Variants in AGO1 observed in about 807,000 individuals in gnomAD.
AGO1 encodes the protein protein argonaute-1.
In AGO1, 11 loss-of-function variants were observed where a neutral mutation model predicts 109.2. The observed-to-expected ratio is 0.10, with a 90% CI of 0.06 to 0.17. The LOEUF is 0.17. AGO1 is among the 10% of genes least tolerant of loss of function. The pLI, the probability that AGO1 is intolerant of heterozygous loss-of-function variation, is 1.00. For missense variants in AGO1, 574 were observed against 1,140.3 expected (o/e 0.50, Z 7.15); for synonymous variants, 422 against 418.6 (o/e 1.01, Z -0.10).
chr1:35,911,203 A>G (rs943936580), intron 12 of AGO1, among the ~76,000 whole-genome samples: 6 of 152,218 alleles, frequency 3.9e-5, no homozygotes, highest in Non-Finnish European at 8.8e-5. Context: ...CCAGCAGTGT[A>G]TAAGAGTGCT....
chr1:35,918,574 G>A (rs1260638866), intron 17 of AGO1, 151 bp downstream of exon 17: 5 of 745,634 alleles, frequency 6.7e-6, no homozygotes, highest in Non-Finnish European at 9.1e-6. Context: ...TTGAGGCGGA[G>A]TCTCACTCTG....
At chr1:35,887,020 A>C (rs1200374697) in intron 1 of AGO1, among the ~76,000 whole-genome samples, 1 of 152,170 alleles carries the variant, frequency 6.6e-6, no homozygotes, top group African/African-American at 2.4e-5. Flanking sequence ...ATTTCTGTCC[A>C]GCACTTTCTG....
rs561563704 is a variant in AGO1, at chr1:35,898,357, C to T, written c.1020+3088C>T. On this transcript the variant is annotated intron_variant, in intron 8 of 18. Coordinates refer to ENST00000373204, the MANE Select transcript of AGO1 (RefSeq NM_012199.5). ...CTGCAAGCTCCGCCTCCTGGGTTCA[C>T]GCCATTCTCCTGCCTCAGCCTCCGG... Among the ~76,000 whole-genome samples, 132 of 151,854 alleles carry T rather than the reference C, an allele frequency of 8.7e-4. 1 individual carries two copies. Among genetic ancestry groups the T allele is most frequent in the African/African-American group, 3.1e-3 (128 of 41,396 alleles).
In AGO1 at chr1:35,926,060, TGAA is replaced by T. The variant is rs140864; in HGVS notation, c.*6456_*6458del. 0.087 allele frequency: 13,284 copies of T among 152,128 alleles called. 2,005 individuals are homozygous for T. Among genetic ancestry groups the T allele is most frequent in the East Asian group, 0.68 (3,471 of 5,140 alleles). 9.4% of individuals were successfully genotyped at this position (152,128 alleles called of 1,614,324 possible). A position where few individuals can be genotyped will look rare whatever the true frequency, so the allele number is the denominator to read the frequency against. The stretch of plus-strand genomic sequence containing the variant: ...AAGGGTTAGGGAGGTTGGTTGAACT[TGAA>T]GAGCAGATTGGACATGGAGCAGATT... On this transcript the variant is annotated 3_prime_UTR_variant, in exon 19 of 19. Transcript: ENST00000373204.
intron 12 of AGO1, among the ~76,000 whole-genome samples, chr1:35,912,785 G>A (rs1645661279): frequency 6.6e-6 from 1 of 152,016 alleles, no homozygotes; most frequent in Admixed American, 6.5e-5. Context: ...TGTTGGCCAG[G>A]CTGTTCTTGA....
chr1:35,918,247 A>G, intron 16 of AGO1, 75 bp from the exon 17 acceptor site: 1 of 1,169,176 alleles, frequency 8.6e-7, no homozygotes, highest in Non-Finnish European at 1.3e-6. Flanking sequence ...TGGTGAAATC[A>G]GAGTAGAATT....
intron 11 of AGO1, among the ~76,000 whole-genome samples, chr1:35,905,724 G>A (rs930049568): frequency 3.3e-5 from 5 of 151,990 alleles, no homozygotes; most frequent in Non-Finnish European, 7.4e-5. Context: ...GCCCACCCTG[G>A]CCTCCCAAAG....
At chr1:35,905,347 A>T (rs374063721) in intron 11 of AGO1, among the ~76,000 whole-genome samples, 17 of 152,218 alleles carry the variant, frequency 1.1e-4, no homozygotes, top group East Asian at 3.9e-4. Context: ...ATTTTGAAAA[A>T]TTTTTTTAAG....
intron 1 of AGO1, among the ~76,000 whole-genome samples, chr1:35,876,731 G>C (rs1282579657): frequency 3.3e-5 from 5 of 152,196 alleles, no homozygotes; most frequent in Non-Finnish European, 7.3e-5. Context: ...CTCCAATTTT[G>C]AGGGAAGTTC....
intron 1 of AGO1, among the ~76,000 whole-genome samples, chr1:35,874,722 G>A (rs1048549694): frequency 2.6e-5 from 4 of 152,232 alleles, no homozygotes; most frequent in Non-Finnish European, 4.4e-5. Context: ...TAGGCCTGTT[G>A]CACTGCACAA....
At chr1:35,886,363 G>A (rs1376260225) in intron 1 of AGO1, among the ~76,000 whole-genome samples, 2 of 152,154 alleles carry the variant, frequency 1.3e-5, no homozygotes, top group Non-Finnish European at 2.9e-5. Flanking sequence ...TGGGAGAGAG[G>A]TTCCTGCTTC....
Position 35,915,529 on chromosome 1 carries a change from G to C in AGO1, c.2015G>C (p.Gly672Ala), listed in dbSNP as rs769908492. 6.2e-7 allele frequency: 1 copy of C among 1,614,028 alleles called. No individual in the cohort carries two copies. The highest frequency in any genetic ancestry group is 1.1e-5 in the South Asian group (1 of 91,072). ...TTCTACCGAGATGGGGTGCCTGAAG[G>C]CCAGCTACCCCAGGTAGGGCCCACA... ...IIFYRDGVPEGQLPQILHYEL... is the reference protein window; with the variant it reads ...IIFYRDGVPEAQLPQILHYEL... The change falls in exon 15 of 19, where the codon GGC (glycine) becomes GCC (alanine). Residue 672 changes from glycine (G) to alanine (A), a missense_variant. Transcript: ENST00000373204.
chr1:35,919,664 G>A lies in AGO1; in HGVS notation c.*57G>A, dbSNP rs745575440. On this transcript the variant is annotated 3_prime_UTR_variant, in exon 19 of 19. Transcript: ENST00000373204. The surrounding 1 kb of genome is among the most constrained non-coding windows in gnomAD (Gnocchi z 6.6). ...GAAAGCTTTCCAAGCCCCAGGAGCT[G>A]TGCCACCCAAATCCAGAGGAAGCAA... 443 of 1,526,904 alleles carry A rather than the reference G, an allele frequency of 2.9e-4. No individual in the cohort carries two copies. Among genetic ancestry groups the A allele is most frequent in the Middle Eastern group, 5.4e-4 (3 of 5,568 alleles). 94.6% of individuals were successfully genotyped at this position (1,526,904 alleles called of 1,614,324 possible). A position where few individuals can be genotyped will look rare whatever the true frequency, so the allele number is the denominator to read the frequency against.
chr1:35,914,089 C>A, intron 13 of AGO1, 88 bp downstream of exon 13: 1 of 1,596,050 alleles, frequency 6.3e-7, no homozygotes, highest in South Asian at 1.1e-5. Context: ...CAGACTGAAT[C>A]AGACATAAGG....
At chr1:35,905,934 C>CT (rs1341619276) in intron 11 of AGO1, among the ~76,000 whole-genome samples, 1 of 152,150 alleles carries the variant, frequency 6.6e-6, no homozygotes, top group Admixed American at 6.5e-5. Context: ...TCTCATAAAA[C>CT]TATCACATTG....
In AGO1 at chr1:35,890,491, A is replaced by G. The variant is rs7533923; in HGVS notation, c.209+1881A>G. Among the ~76,000 whole-genome samples, 5 of 152,310 alleles carry G rather than the reference A, an allele frequency of 3.3e-5. No individual in the cohort carries two copies. The South Asian group carries it at 1.0e-3, about 32-fold the overall frequency. ...ATTTTTGAAGATATTACATACCGGC[A>G]CATATGGATCTGCCTCATTCTTTTG... On this transcript the variant is annotated intron_variant, in intron 2 of 18. Coordinates refer to ENST00000373204, the MANE Select transcript of AGO1 (RefSeq NM_012199.5).
chr1:35,919,711 G>T lies in AGO1; in HGVS notation c.*104G>T. ...GCAAGGAGGAGGGAGGTGGGGTAGGGAGGAGTGTAGGATGCCTTGTTTCCT... is the reference window on the plus strand; with the variant it reads ...GCAAGGAGGAGGGAGGTGGGGTAGGTAGGAGTGTAGGATGCCTTGTTTCCT... On this transcript the variant is annotated 3_prime_UTR_variant, in exon 19 of 19. Coordinates refer to ENST00000373204, the MANE Select transcript of AGO1 (RefSeq NM_012199.5). The surrounding 1 kb of genome is among the most constrained non-coding windows in gnomAD (Gnocchi z 6.6). The T allele has an allele frequency of 9.2e-7, 1 of 1,086,896 alleles. No homozygotes were observed. The highest frequency in any genetic ancestry group is 1.3e-6 in the Non-Finnish European group (1 of 752,422). The allele number at this position is 1,086,896 out of a possible 1,614,324, so 67.3% of individuals were successfully genotyped here.
chr1:35,898,600 C>G (rs1336607033), intron 8 of AGO1, among the ~76,000 whole-genome samples: 1 of 152,146 alleles, frequency 6.6e-6, no homozygotes, highest in Admixed American at 6.6e-5. Context: ...CCCAAAGTAG[C>G]TATGATATTT....
At chr1:35,912,697 C>T (rs889834882) in intron 12 of AGO1, among the ~76,000 whole-genome samples, 8 of 152,002 alleles carry the variant, frequency 5.3e-5, no homozygotes, top group Admixed American at 2.6e-4. Context: ...CCTCAGCCTC[C>T]CAAGTAGCTG....
Sources: allele counts gnomAD v4.1 joint callset (sites outside exome capture counted in the v4.1 genomes callset), GRCh38; gene constraint gnomAD v4.1.1; non-coding constraint Gnocchi (gnomAD v3.1); transcripts MANE v1.5; gene names NCBI Gene and HGNC (gene_info 2026-07-23, HGNC 2026-07-21).